The following ANKRD11 variants were observed in gnomAD, a reference collection of about 807,000 sequenced individuals.
The protein encoded by ANKRD11 is ankyrin repeat domain-containing protein 11.
Under a neutral mutation model 195.7 loss-of-function variants are expected in ANKRD11, and 17 were observed. The observed-to-expected ratio is 0.09, with a 90% CI of 0.06 to 0.13. The LOEUF (loss-of-function observed/expected upper bound fraction) is 0.13. Ranked by LOEUF, ANKRD11 falls within the 10% of genes least tolerant of loss-of-function variation. The pLI is 1.00. For synonymous variants in ANKRD11, 1,953 were observed against 1,528.1 expected (o/e 1.28, Z -6.49); for missense variants, 3,735 against 3,566.1 (o/e 1.05, Z -1.21).
chr16:89,307,657 G>A (rs2036368813), intron 3 of ANKRD11, among the ~76,000 whole-genome samples: 1 of 152,244 alleles, frequency 6.6e-6, no homozygotes, highest in East Asian at 1.9e-4. Context: ...TGGGTGCCCA[G>A]ATGCAGCTCC....
rs1430764422 is a variant in ANKRD11, at chr16:89,490,257, G to A, written c.-157C>T. On this transcript the variant is annotated 5_prime_UTR_variant, in exon 1 of 13. Transcript: ENST00000301030. ...CGGCGCCTCTCACCGTGCTCCGAGG[G>A]CTGCGCGGCTCCGCGACGGCTCAGC... The A allele has an allele frequency of 2.6e-5, 4 of 155,866 alleles. No individual in the cohort carries two copies. The highest frequency in any genetic ancestry group is 4.2e-5 in the Non-Finnish European group (3 of 71,302). The allele number at this position is 155,866 out of a possible 1,614,324, so 9.7% of individuals were successfully genotyped here.
rs568269157 is a variant in ANKRD11, at chr16:89,444,557, A to G, written c.-144-26189T>C. The stretch of plus-strand genomic sequence containing the variant: ...GGACTTCGATATCACCTGAAATCCA[A>G]TCATCAAACTTTGCCCACTGTTTCT... On this transcript the variant is annotated intron_variant, in intron 1 of 12. Coordinates refer to ENST00000301030, the MANE Select transcript of ANKRD11 (RefSeq NM_013275.6). 5.3e-5 allele frequency among the ~76,000 whole-genome samples: 8 copies of G among 152,262 alleles called. No homozygotes were observed. The South Asian group carries it at 1.7e-3, about 32-fold the overall frequency.
At chr16:89,307,281 C>T (rs953183463) in intron 3 of ANKRD11, among the ~76,000 whole-genome samples, 2 of 152,338 alleles carry the variant, frequency 1.3e-5, no homozygotes, top group Non-Finnish European at 2.9e-5. Context: ...TCCCCAGCCA[C>T]GGTCCTGCCT....
intron 9 of ANKRD11, among the ~76,000 whole-genome samples, chr16:89,277,300 C>G (rs547584414): frequency 6.6e-6 from 1 of 152,288 alleles, no homozygotes; most frequent in East Asian, 1.9e-4. Context: ...GCCCCAGGGC[C>G]GGCAGCTACA....
chr16:89,381,612 G>A (rs535933556), intron 2 of ANKRD11, among the ~76,000 whole-genome samples: 2 of 152,282 alleles, frequency 1.3e-5, no homozygotes, highest in African/African-American at 4.8e-5. Context: ...AGAGGAGAAC[G>A]ATGAAAGCTG....
chr16:89,367,548 C>T (rs372264803), intron 2 of ANKRD11, among the ~76,000 whole-genome samples: 2 of 152,192 alleles, frequency 1.3e-5, no homozygotes, highest in African/African-American at 4.8e-5. Context: ...CAGTCCCTGC[C>T]GCCTGCTCCC....
chr16:89,428,313 C>T (rs764787365), intron 1 of ANKRD11, among the ~76,000 whole-genome samples: 1 of 152,102 alleles, frequency 6.6e-6, no homozygotes, highest in Non-Finnish European at 1.5e-5. Context: ...ATCAGAAGGT[C>T]AGGAGATCGA....
intron 2 of ANKRD11, among the ~76,000 whole-genome samples, chr16:89,342,604 G>A (rs1048834098): frequency 2.6e-5 from 4 of 152,200 alleles, no homozygotes; most frequent in African/African-American, 9.7e-5. Context: ...ATCTTTCTGA[G>A]GCATTATATG....
chr16:89,350,461 C>T (rs1328000093), intron 2 of ANKRD11, among the ~76,000 whole-genome samples: 2 of 152,154 alleles, frequency 1.3e-5, no homozygotes, highest in Non-Finnish European at 2.9e-5. Context: ...CATATCTACC[C>T]CCTAAAAAGC....
chr16:89,319,202 G>A (rs1033121818), intron 2 of ANKRD11, among the ~76,000 whole-genome samples: 4 of 152,228 alleles, frequency 2.6e-5, no homozygotes, highest in African/African-American at 9.6e-5. Flanking sequence ...AACAGCTCTG[G>A]CGTGGTCAGG....
intron 2 of ANKRD11, among the ~76,000 whole-genome samples, chr16:89,395,280 G>C (rs933806153): frequency 2.0e-5 from 3 of 152,248 alleles, no homozygotes; most frequent in Admixed American, 1.3e-4. Context: ...TACTGCCAGA[G>C]GAATGGGCTG....
rs1053961194 is a variant in ANKRD11, at chr16:89,358,530, C to T, written c.-59-41452G>A. ...CCCGTTTTCCATGATATCATCACTA[C>T]GCATTGCATGCCTATATCAAAACAT... On this transcript the variant is annotated intron_variant, in intron 2 of 12. Transcript: ENST00000301030. 2.6e-5 allele frequency among the ~76,000 whole-genome samples: 4 copies of T among 152,324 alleles called. No individual in the cohort carries two copies. In the East Asian group the frequency reaches 5.8e-4, roughly 22 times the overall value.
intron 2 of ANKRD11, among the ~76,000 whole-genome samples, chr16:89,375,809 T>G (rs1049394794): frequency 2.0e-5 from 3 of 148,266 alleles, no homozygotes; most frequent in African/African-American, 7.5e-5. Context: ...AGTTCTCAAG[T>G]CTTTTTCATT....
chr16:89,366,295 C>T (rs560594018), intron 2 of ANKRD11, among the ~76,000 whole-genome samples: 19 of 152,180 alleles, frequency 1.2e-4, no homozygotes, highest in South Asian at 1.0e-3. Context: ...GACATTCGCC[C>T]GCATGTGTCT....
chr16:89,379,966 T>C (rs2040575096), intron 2 of ANKRD11, among the ~76,000 whole-genome samples: 1 of 152,220 alleles, frequency 6.6e-6, no homozygotes. Flanking sequence ...TTCATCTCTA[T>C]TTACCAAACA....
intron 3 of ANKRD11, among the ~76,000 whole-genome samples, chr16:89,308,523 A>G: frequency 6.6e-6 from 1 of 152,222 alleles, no homozygotes; most frequent in East Asian, 1.9e-4. Flanking sequence ...GGTGATTCTC[A>G]TCAGGAAAAT....
At chr16:89,292,653 C>T (rs1012823717) in intron 4 of ANKRD11, among the ~76,000 whole-genome samples, 1 of 152,250 alleles carries the variant, frequency 6.6e-6, no homozygotes, top group Non-Finnish European at 1.5e-5. Context: ...ATCGCCACCA[C>T]CAGCTAGTCT....
At chr16:89,326,547 C>G (rs1218459318) in intron 2 of ANKRD11, among the ~76,000 whole-genome samples, 1 of 152,100 alleles carries the variant, frequency 6.6e-6, no homozygotes, top group East Asian at 1.9e-4. Context: ...GAGTTTGAGA[C>G]CCGGGCAATG....
chr16:89,270,959 C>T lies in ANKRD11; in HGVS notation c.7714-50G>A, dbSNP rs370290179. ...TCATCAGGAGCCCCAGAGACCGCTACGGGAAGGCATGCCAGCCTGGGCGAT... is the reference window on the plus strand; with the variant it reads ...TCATCAGGAGCCCCAGAGACCGCTATGGGAAGGCATGCCAGCCTGGGCGAT... On this transcript the variant is annotated intron_variant, in intron 11 of 12. Coordinates refer to ENST00000301030, the MANE Select transcript of ANKRD11 (RefSeq NM_013275.6). The T allele has an allele frequency of 6.8e-5, 107 of 1,582,164 alleles. No individual in the cohort carries two copies. The highest frequency in any genetic ancestry group is 6.5e-4 in the African/African-American group (48 of 74,228).
Sources: allele counts gnomAD v4.1 joint callset (sites outside exome capture counted in the v4.1 genomes callset), GRCh38; gene constraint gnomAD v4.1.1; transcripts MANE v1.5; gene names NCBI Gene and HGNC (gene_info 2026-07-23, HGNC 2026-07-21).